SLC7A9: variants seen among roughly 807,000 people sequenced by gnomAD.
SLC7A9 encodes the protein solute carrier family 7 member 9, also known as B(0,+)-type amino acid transporter 1.
SLC7A9 carries 38 observed loss-of-function variants against 54.1 expected under a neutral mutation model. The observed-to-expected ratio is 0.70, with a 90% CI of 0.54 to 0.92. The LOEUF is 0.92. SLC7A9 is among the 40% of genes least tolerant of loss of function. The probability of loss-of-function intolerance (pLI) is 0.00; values close to 1 mark genes in which losing one functional copy is unlikely to be tolerated. For missense variants in SLC7A9, 537 were observed against 636.1 expected, an observed-to-expected ratio of 0.84 and a Z score of 1.68; for synonymous variants, 264 against 258.9, an observed-to-expected ratio of 1.02 and a Z score of -0.19.
At position 32,859,837 on chromosome 19, in the gene SLC7A9, TCAC is replaced by T. The variant is rs1568528083; in HGVS notation, c.873+1_873+3del. On this transcript the variant is annotated splice_donor_variant and splice_donor_region_variant and intron_variant, in intron 8 of 12. Transcript: ENST00000023064. LOFTEE classifies it high-confidence loss of function. ...CCCGCCAGCAGCGATGCCCGGGCAC[TCAC>T]CACAGCCACCGCCTGGGACTGCAGG... is the stretch of plus-strand genomic sequence containing the variant. 1 of 1,613,120 alleles carries T rather than the reference TCAC, an allele frequency of 6.2e-7. No individual in the cohort carries two copies. The highest frequency in any genetic ancestry group is 8.5e-7 in the Non-Finnish European group (1 of 1,179,128).
At chr19:32,860,147 G>A in intron 7 of SLC7A9, 183 bp from the exon 8 acceptor site, 1 of 1,529,770 alleles carries the variant, frequency 6.5e-7, no homozygotes, top group African/African-American at 1.4e-5. Flanking sequence ...ACATGGAACT[G>A]TTTATAAAGC....
intron 7 of SLC7A9, 118 bp from the exon 8 acceptor site, chr19:32,860,082 A>G: frequency 1.3e-6 from 2 of 1,584,058 alleles, no homozygotes; most frequent in Non-Finnish European, 1.7e-6. Flanking sequence ...GCCCAGCAGG[A>G]ACATAAGACA....
At chr19:32,867,862 G>A (rs536044702) in intron 2 of SLC7A9, among the ~76,000 whole-genome samples, 2 of 148,832 alleles carry the variant, frequency 1.3e-5, no homozygotes, top group African/African-American at 2.5e-5. Flanking sequence ...CCCAGGAAGC[G>A]GAGGTTGCAG....
intron 9 of SLC7A9, among the ~76,000 whole-genome samples, chr19:32,854,495 G>C (rs1404649934): frequency 6.6e-6 from 1 of 152,148 alleles, no homozygotes; most frequent in Non-Finnish European, 1.5e-5. Context: ...CCTTAGACAA[G>C]AAATCTACTC....
chr19:32,839,726 G>T (rs911316962), intron 11 of SLC7A9, among the ~76,000 whole-genome samples: 10 of 152,272 alleles, frequency 6.6e-5, no homozygotes, highest in Non-Finnish European at 1.5e-4. Flanking sequence ...AGCATGAAGT[G>T]TTGGTGGTGA....
chr19:32,847,924 C>T (rs1276268607), intron 9 of SLC7A9, among the ~76,000 whole-genome samples: 1 of 152,078 alleles, frequency 6.6e-6, no homozygotes, highest in African/African-American at 2.4e-5. Context: ...GAATTTCGTA[C>T]CCACCCAAGC....
chr19:32,862,636 G>C, intron 4 of SLC7A9, 50 bp from the exon 5 acceptor site: 1 of 1,587,180 alleles, frequency 6.3e-7, no homozygotes, highest in South Asian at 1.1e-5. Flanking sequence ...GCAAAGCCCT[G>C]GAGAGAGTCT....
At chr19:32,835,889 C>CTGTGTGTG (rs1212868987) in intron 11 of SLC7A9, among the ~76,000 whole-genome samples, 3 of 140,776 alleles carry the variant, frequency 2.1e-5, no homozygotes, top group African/African-American at 5.3e-5. Flanking sequence ...AATTTATGTA[C>CTGTGTGTG]TGTGTGTGTG....
At chr19:32,861,361 A>G (rs565778555) in intron 6 of SLC7A9, among the ~76,000 whole-genome samples, 1 of 152,122 alleles carries the variant, frequency 6.6e-6, no homozygotes, top group East Asian at 1.9e-4. Flanking sequence ...GGACAAAAAC[A>G]GAATCTCATC....
rs534301706 is a variant in SLC7A9 at position 32,833,426 on chromosome 19, C to G, written c.1225-103G>C. On this transcript the variant is annotated intron_variant, in intron 11 of 12. Transcript: ENST00000023064. ...AGAGTATGAACTCCATGTACCCCCT[C>G]CTCCAATTTCAATCATTTTAATGTA... The G allele has an allele frequency of 2.8e-4, 263 of 948,322 alleles. 2 individuals carry two copies. In the Middle Eastern group the frequency reaches 2.8e-3, roughly 10 times the overall value. 58.7% of individuals were successfully genotyped at this position (948,322 alleles called of 1,614,324 possible).
intron 9 of SLC7A9, among the ~76,000 whole-genome samples, chr19:32,847,815 C>T (rs9749157): frequency 0.46 from 70,515 of 152,036 alleles, 17,468 homozygotes; most frequent in East Asian, 0.72. Flanking sequence ...AAAGGGAAGC[C>T]GGTCAGACTA....
At chr19:32,861,813 T>G (rs769469395) in intron 6 of SLC7A9, among the ~76,000 whole-genome samples, 3 of 152,052 alleles carry the variant, frequency 2.0e-5, no homozygotes, top group Non-Finnish European at 4.4e-5. Context: ...AGATCCTGTC[T>G]TAAAAAAACA....
chr19:32,868,309 T>A, intron 2 of SLC7A9, 139 bp downstream of exon 2: 1 of 701,542 alleles, frequency 1.4e-6, no homozygotes, highest in South Asian at 1.5e-5. Flanking sequence ...ATTATCCCTT[T>A]AAAGATGTAC....
intron 9 of SLC7A9, among the ~76,000 whole-genome samples, chr19:32,857,784 G>A (rs796592874): frequency 2.0e-5 from 3 of 152,264 alleles, no homozygotes; most frequent in African/African-American, 7.2e-5. Flanking sequence ...CAACACAGCT[G>A]GTGGCAGTCT....
rs887335288 is a variant in SLC7A9 at position 32,862,594 on chromosome 19, G to C, written c.479-8C>G. 6.2e-7 allele frequency: 1 copy of C among 1,613,650 alleles called. No individual in the cohort carries two copies. Among genetic ancestry groups the C allele is most frequent in the Non-Finnish European group, 8.5e-7 (1 of 1,180,026 alleles). ...TCACTGTCGAGATGAACACTGGAAG[G>C]GTGGGGACAGTTTCTGCATTTATGG... On this transcript the variant is annotated splice_region_variant and splice_polypyrimidine_tract_variant and intron_variant, in intron 4 of 12. Coordinates refer to ENST00000023064, the MANE Select transcript of SLC7A9 (RefSeq NM_014270.5).
chr19:32,867,982 G>A (rs1423108004), intron 2 of SLC7A9, among the ~76,000 whole-genome samples: 7 of 141,112 alleles, frequency 5.0e-5, no homozygotes, highest in Non-Finnish European at 9.1e-5. Context: ...AGTGGCACAC[G>A]CCTGTAATCC....
intron 8 of SLC7A9, among the ~76,000 whole-genome samples, chr19:32,859,195 G>A (rs8100924): frequency 0.26 from 39,681 of 151,832 alleles, 5,230 homozygotes; most frequent in South Asian, 0.31. Flanking sequence ...AATCTCCTGG[G>A]CTCAAGTGAT....
chr19:32,860,198 C>T, intron 7 of SLC7A9: 2 of 1,470,618 alleles, frequency 1.4e-6, no homozygotes. Context: ...CTCTTCCCTC[C>T]CTTAGGAGCC....
In SLC7A9 at chr19:32,864,099, TGGC is replaced by T. The variant is rs1348754540; in HGVS notation, c.472_474del (p.Ala158del). The T allele has an allele frequency of 1.2e-6, 2 of 1,613,962 alleles. No individual in the cohort carries two copies. Among genetic ancestry groups the T allele is most frequent in the African/African-American group, 2.7e-5 (2 of 74,930 alleles). The stretch of plus-strand genomic sequence containing the variant: ...TGCCCTGGGCTCAGGTACTCACAGA[TGGC>T]GGCGGCGGCCAGGCATTTCACAACG... On this transcript the variant is annotated inframe_deletion, in exon 4 of 13. Coordinates refer to ENST00000023064, the MANE Select transcript of SLC7A9 (RefSeq NM_014270.5).
Sources: allele counts gnomAD v4.1 joint callset (sites outside exome capture counted in the v4.1 genomes callset), GRCh38; gene constraint gnomAD v4.1.1; transcripts MANE v1.5; gene names NCBI Gene and HGNC (gene_info 2026-07-23, HGNC 2026-07-21).